Variants in PARM1 observed in about 807,000 individuals in gnomAD.
PARM1 encodes the protein prostate androgen-regulated mucin-like protein 1.
In PARM1, 14 loss-of-function variants were observed where a neutral mutation model predicts 24.6. The ratio of observed to expected loss-of-function variants is 0.57; its 90% CI spans 0.38 to 0.89. PARM1 has a LOEUF of 0.89. Ranked by LOEUF, PARM1 falls within the 40% of genes least tolerant of loss-of-function variation. The pLI, the probability that PARM1 is intolerant of heterozygous loss-of-function variation, is 0.00. For missense variants in PARM1, 362 were observed against 380.4 expected (o/e 0.95, Z 0.40); for synonymous variants, 179 against 156.6 (o/e 1.14, Z -1.07).
At chr4:75,021,518 T>C (rs766716144) in intron 2 of PARM1, among the ~76,000 whole-genome samples, 1 of 152,124 alleles carries the variant, frequency 6.6e-6, no homozygotes, top group Non-Finnish European at 1.5e-5. Context: ...GGGTAAATTG[T>C]GTGTCATGCG....
At chr4:74,936,459 TTG>T (rs1444831977) in intron 1 of PARM1, among the ~76,000 whole-genome samples, 13 of 149,154 alleles carry the variant, frequency 8.7e-5, no homozygotes, top group South Asian at 2.1e-4. Context: ...GTTTGTTTTT[TTG>T]TTTTTTTTTT....
At chr4:74,951,561 G>A (rs548440128) in intron 1 of PARM1, among the ~76,000 whole-genome samples, 1 of 152,108 alleles carries the variant, frequency 6.6e-6, no homozygotes, top group African/African-American at 2.4e-5. Context: ...TCTTCATTAG[G>A]TATTTCTCCT....
chr4:74,997,132 G>T (rs1373918014), intron 1 of PARM1, among the ~76,000 whole-genome samples: 4 of 152,144 alleles, frequency 2.6e-5, no homozygotes. Context: ...CAGCTGATAA[G>T]TGCCTTTAGG....
In PARM1 at chr4:75,027,485, A is replaced by G. The variant is rs868238337; in HGVS notation, c.770-6398A>G. ...TCCAATAATGGTAAAATTAAGATCT[A>G]CCTAGGTTGCAGTGTCTAAGAACTA... On this transcript the variant is annotated intron_variant, in intron 2 of 3. Transcript: ENST00000307428. Among the ~76,000 whole-genome samples the G allele has an allele frequency of 5.3e-5, 8 of 152,064 alleles. 1 individual carries two copies. The highest frequency in any genetic ancestry group is 1.7e-4 in the African/African-American group (7 of 41,396).
intron 1 of PARM1, among the ~76,000 whole-genome samples, chr4:74,938,165 CCA>C (rs1421827555): frequency 6.6e-6 from 1 of 152,098 alleles, no homozygotes; most frequent in African/African-American, 2.4e-5. Context: ...GCATTTGACC[CCA>C]GTCAAATTGT....
At chr4:75,023,484 T>C (rs79232121) in intron 2 of PARM1, among the ~76,000 whole-genome samples, 4,564 of 152,268 alleles carry the variant, frequency 0.03, 235 homozygotes, top group African/African-American at 0.1. Context: ...AGCAAGAGTT[T>C]TGACTCTTCT....
At position 75,046,409 on chromosome 4, in the gene PARM1, T is replaced by G; in HGVS notation, c.*162T>G. On this transcript the variant is annotated 3_prime_UTR_variant, in exon 4 of 4. Coordinates refer to ENST00000307428, the MANE Select transcript of PARM1 (RefSeq NM_015393.4). ...CTCCCTCTCCTCTGGCTGCTACAAC[T>G]TCCCCTTTCTGGTACAAGAAGAACC... 1.9e-6 allele frequency: 1 copy of G among 536,084 alleles called. No homozygotes were observed. The highest frequency in any genetic ancestry group is 3.4e-6 in the Non-Finnish European group (1 of 296,468). The allele number at this position is 536,084 out of a possible 1,614,324, so 33.2% of individuals were successfully genotyped here. A position where few individuals can be genotyped will look rare whatever the true frequency, so the allele number is the denominator to read the frequency against.
chr4:74,935,246 C>A (rs528444869), intron 1 of PARM1, among the ~76,000 whole-genome samples: 5 of 152,118 alleles, frequency 3.3e-5, no homozygotes, highest in African/African-American at 1.2e-4. Flanking sequence ...TATGCATATC[C>A]CAAGCTGAAA....
At chr4:74,962,830 G>A (rs1721805725) in intron 1 of PARM1, among the ~76,000 whole-genome samples, 1 of 152,180 alleles carries the variant, frequency 6.6e-6, no homozygotes, top group Non-Finnish European at 1.5e-5. Flanking sequence ...TTCTGGAAAT[G>A]GATGGTGGTG....
chr4:75,030,246 ATAG>A (rs1425829688), intron 2 of PARM1, among the ~76,000 whole-genome samples: 1 of 152,208 alleles, frequency 6.6e-6, no homozygotes, highest in Non-Finnish European at 1.5e-5. Flanking sequence ...CCAGGACTAA[ATAG>A]TACTGGGTCC....
intron 1 of PARM1, among the ~76,000 whole-genome samples, chr4:75,001,088 G>T (rs74773010): frequency 0.017 from 2,601 of 152,206 alleles, 62 homozygotes; most frequent in African/African-American, 0.059. Flanking sequence ...TTTCCCATAG[G>T]TTTATTGTAA....
At chr4:74,964,749 A>G (rs1404212763) in intron 1 of PARM1, among the ~76,000 whole-genome samples, 1 of 152,242 alleles carries the variant, frequency 6.6e-6, no homozygotes, top group Non-Finnish European at 1.5e-5. Flanking sequence ...GTAGGAGCTT[A>G]GTAAATATCT....
chr4:74,959,583 C>T (rs1204340819), intron 1 of PARM1, among the ~76,000 whole-genome samples: 1 of 152,134 alleles, frequency 6.6e-6, no homozygotes, highest in Non-Finnish European at 1.5e-5. Context: ...ATTTTAGTTC[C>T]TGCTCATGGG....
At chr4:75,022,350 A>T (rs1231570425) in intron 2 of PARM1, among the ~76,000 whole-genome samples, 1 of 152,150 alleles carries the variant, frequency 6.6e-6, no homozygotes, top group Non-Finnish European at 1.5e-5. Context: ...ATTCCGAATT[A>T]TTGTCTCTTC....
At chr4:74,950,402 C>G (rs1721500807) in intron 1 of PARM1, among the ~76,000 whole-genome samples, 1 of 152,152 alleles carries the variant, frequency 6.6e-6, no homozygotes, top group Non-Finnish European at 1.5e-5. Context: ...ATCTCCACCT[C>G]TGTCTCACAT....
intron 1 of PARM1, among the ~76,000 whole-genome samples, chr4:74,994,728 G>A (rs912831585): frequency 6.6e-6 from 1 of 152,056 alleles, no homozygotes; most frequent in African/African-American, 2.4e-5. Flanking sequence ...AGGAAGCAAA[G>A]GTTGCAATGA....
intron 3 of PARM1, 61 bp from the exon 4 acceptor site, chr4:75,046,102 C>T (rs887115374): frequency 1.4e-5 from 15 of 1,047,994 alleles, no homozygotes; most frequent in Non-Finnish European, 2.1e-5. Context: ...CAGGGCATTA[C>T]GCTGTCCTCA....
chr4:75,038,472 C>T (rs1323706861), intron 3 of PARM1, among the ~76,000 whole-genome samples: 8 of 152,156 alleles, frequency 5.3e-5, no homozygotes, highest in Non-Finnish European at 2.9e-5. Flanking sequence ...GCACAGTCTC[C>T]ATCCTACCAT....
intron 1 of PARM1, among the ~76,000 whole-genome samples, chr4:75,003,672 A>G (rs1722722388): frequency 6.6e-6 from 1 of 152,210 alleles, no homozygotes; most frequent in African/African-American, 2.4e-5. Flanking sequence ...TTCAAATACC[A>G]TATGGTTGGA....
Sources: allele counts gnomAD v4.1 joint callset (sites outside exome capture counted in the v4.1 genomes callset), GRCh38; gene constraint gnomAD v4.1.1; transcripts MANE v1.5; gene names NCBI Gene and HGNC (gene_info 2026-07-23, HGNC 2026-07-21).